Variants in WRAP53 observed in about 807,000 individuals in gnomAD.
WRAP53 encodes WD repeat containing antisense to TP53.
Under a neutral mutation model 56.6 loss-of-function variants are expected in WRAP53, and 28 were observed. The observed-to-expected ratio is 0.50, with a 90% CI of 0.37 to 0.68. The LOEUF (loss-of-function observed/expected upper bound fraction) is 0.68. Ranked by LOEUF, WRAP53 falls within the 30% of genes least tolerant of loss-of-function variation. The pLI, the probability that WRAP53 is intolerant of heterozygous loss-of-function variation, is 0.00. For synonymous variants in WRAP53, 283 were observed against 283.4 expected (o/e 1.00, Z 0.01); for missense variants, 671 against 715.5 (o/e 0.94, Z 0.71).
chr17:7,690,978 G>T (rs147939123), intron 4 of WRAP53, among the ~76,000 whole-genome samples: 1 of 151,696 alleles, frequency 6.6e-6, no homozygotes, highest in African/African-American at 2.4e-5. Flanking sequence ...GGGAGGCTGA[G>T]GTGGGCAGAT....
In WRAP53 at chr17:7,701,432, G is replaced by T. The variant is rs1022422745; in HGVS notation, c.732-27G>T. ...TCCTCCCCTTCCTTTGACAGCACCG[G>T]GGTTTCAGTGTCCATGTCTCTCTCA... On this transcript the variant is annotated intron_variant, in intron 5 of 10. Transcript: ENST00000396463. This position sits in a 1 kb window ranked among gnomAD's most constrained non-coding sequence, Gnocchi z 4.2. 3 of 1,613,116 alleles carry T rather than the reference G, an allele frequency of 1.9e-6. No homozygotes were observed. In the Admixed American group the frequency reaches 5.0e-5, roughly 27 times the overall value.
upstream of WRAP53, chr17:7,687,623 G>C: frequency 2.5e-6 from 1 of 398,944 alleles, no homozygotes; most frequent in Non-Finnish European, 4.4e-6. Flanking sequence ...CCGCCTGCCG[G>C]AGGAAGCAAA....
At position 7,689,603 on chromosome 17, in the gene WRAP53, T is replaced by C. The variant is rs769107489; in HGVS notation, c.544T>C (p.Ser182Pro). ...LKGCKWAPDG[S>P]CILTNSADNI... Reference sequence around the variant, plus strand: ...CCCTGTTTCTAGGGCTCCTGACGGTTCCTGCATCTTGACCAATAGTGCTGA... The same window carrying C: ...CCCTGTTTCTAGGGCTCCTGACGGTCCCTGCATCTTGACCAATAGTGCTGA... The change falls in exon 4 of 11, where the codon TCC becomes CCC. Residue 182 changes from serine to proline, a missense_variant. By Grantham distance (74) the Ser-to-Pro change is moderately conservative (BLOSUM62 -1). Coordinates refer to ENST00000396463, the MANE Select transcript of WRAP53 (RefSeq NM_001143992.2). The C allele has an allele frequency of 6.2e-7, 1 of 1,614,132 alleles. No homozygotes were observed. Among genetic ancestry groups the C allele is most frequent in the East Asian group, 2.2e-5 (1 of 44,878 alleles).
chr17:7,688,974 C>A lies in WRAP53; in HGVS notation c.326C>A (p.Ala109Glu), dbSNP rs1348830744. ...AATACAAGCCTTCCTGCAGAAGAAG[C>A]AAACGGGAGCCTTTCTGAAGAAGAA... ...SENTSLPAEE[A>E]NGSLSEEEAN... The change falls in exon 2 of 11, where the codon GCA becomes GAA. Residue 109 changes from alanine to glutamate, a missense_variant. Coordinates refer to ENST00000396463, the MANE Select transcript of WRAP53 (RefSeq NM_001143992.2). The A allele has an allele frequency of 6.2e-7, 1 of 1,614,056 alleles. No individual in the cohort carries two copies. The highest frequency in any genetic ancestry group is 1.3e-5 in the African/African-American group (1 of 74,934).
At position 7,689,305 on chromosome 17, in the gene WRAP53, C is replaced by T; in HGVS notation, c.513C>T (p.Phe171=). 6.2e-7 allele frequency: 1 copy of T among 1,614,100 alleles called. No homozygotes were observed. Among genetic ancestry groups the T allele is most frequent in the Non-Finnish European group, 8.5e-7 (1 of 1,180,026 alleles). Reference sequence around the variant, plus strand: ...AGTTCAGCACCCAACCTGAGAACTTCTTGAAAGGCTGTAAGTGGTAAGGAT... The same window carrying T: ...AGTTCAGCACCCAACCTGAGAACTTTTTGAAAGGCTGTAAGTGGTAAGGAT... The part of the protein sequence containing the change: ...WSEFSTQPEN[F]LKGCKWAPDG... The change falls in exon 3 of 11, where the codon TTC becomes TTT. Residue 171 remains phenylalanine (F), a synonymous_variant. Transcript: ENST00000396463.
chr17:7,690,117 T>G (rs1001274447), intron 4 of WRAP53, among the ~76,000 whole-genome samples: 2 of 152,140 alleles, frequency 1.3e-5, no homozygotes, highest in African/African-American at 4.8e-5. Context: ...CTCGACTAAT[T>G]TTTATAGTTT....
intron 4 of WRAP53, among the ~76,000 whole-genome samples, chr17:7,698,641 C>G (rs1276553130): frequency 6.6e-6 from 1 of 152,024 alleles, no homozygotes; most frequent in Non-Finnish European, 1.5e-5. Context: ...ACTTGGGAGA[C>G]TGAGGTGGGT....
intron 4 of WRAP53, among the ~76,000 whole-genome samples, chr17:7,693,344 T>G (rs1313688187): frequency 6.6e-6 from 1 of 152,102 alleles, no homozygotes; most frequent in Non-Finnish European, 1.5e-5. Context: ...ATGACTATAG[T>G]TTCTCTGTTT....
At chr17:7,699,476 TTA>T (rs1299417199) in intron 4 of WRAP53, among the ~76,000 whole-genome samples, 276 of 11,368 alleles carry the variant, frequency 0.024, 9 homozygotes, top group Non-Finnish European at 0.028. Context: ...ATATATATAT[TTA>T]TATATATATA....
intron 4 of WRAP53, among the ~76,000 whole-genome samples, chr17:7,691,980 G>T (rs1023674997): frequency 2.0e-5 from 3 of 151,982 alleles, no homozygotes; most frequent in Non-Finnish European, 2.9e-5. Flanking sequence ...GGGATTACAG[G>T]CATGTGCCAC....
At chr17:7,692,856 A>G (rs1313534427) in intron 4 of WRAP53, among the ~76,000 whole-genome samples, 2 of 139,906 alleles carry the variant, frequency 1.4e-5, no homozygotes, top group Non-Finnish European at 3.0e-5. Context: ...GGATCACGCC[A>G]TTCTCCTGCC....
chr17:7,692,446 C>T (rs1044852237), intron 4 of WRAP53, among the ~76,000 whole-genome samples: 11 of 151,108 alleles, frequency 7.3e-5, no homozygotes, highest in Non-Finnish European at 1.0e-4. Context: ...ATGATGAAAC[C>T]CCATCTCTAT....
chr17:7,686,303 CTTTT>C (rs369318275), upstream of WRAP53: 1 of 148,178 alleles, frequency 6.7e-6, no homozygotes, highest in Non-Finnish European at 1.5e-5. Flanking sequence ...CGTACCCATT[CTTTT>C]TTTTTTTCCT....
rs1194317485 is a variant in WRAP53 at position 7,703,131 on chromosome 17, C to G, written c.1403+4C>G. On this transcript the variant is annotated splice_donor_region_variant and intron_variant, in intron 10 of 10. Transcript: ENST00000396463. Reference sequence around the variant, plus strand: ...AGGACTGCACCAATGGCGTGAGGTCCTCAGTTCAATTCCAGAGATGTTGGG... The same window carrying G: ...AGGACTGCACCAATGGCGTGAGGTCGTCAGTTCAATTCCAGAGATGTTGGG... 1 of 1,614,110 alleles carries G rather than the reference C, an allele frequency of 6.2e-7. No homozygotes were observed.
chr17:7,688,790 G>A lies in WRAP53; in HGVS notation c.142G>A (p.Gly48Arg). The change falls in exon 2 of 11, where the codon GGG (glycine) becomes AGG (arginine). Residue 48 changes from glycine (G) to arginine (R), a missense_variant. Transcript: ENST00000396463. ...ACTGATGCCACCGCCTCCCGAAAGG[G>A]GGGATCCGCCCCGGTTGTCCCCAGA... Reference protein sequence around the residue: ...SELMPPPPERGDPPRLSPDPV... With the variant: ...SELMPPPPERRDPPRLSPDPV... 1 of 1,614,176 alleles carries A rather than the reference G, an allele frequency of 6.2e-7. No homozygotes were observed. The highest frequency in any genetic ancestry group is 8.5e-7 in the Non-Finnish European group (1 of 1,180,040).
Position 7,702,795 on chromosome 17 carries a change from C to G in WRAP53, c.1217C>G (p.Ser406Cys), listed in dbSNP as rs781203702. The change falls in exon 9 of 11, where the codon TCC becomes TGC. Residue 406 changes from serine (S) to cysteine (C), a missense_variant. Ser to Cys is a moderately radical substitution (Grantham distance 112, BLOSUM62 -1). Around this residue, in one of 3 missense-constraint regions of WRAP53, gnomAD observed 158 missense variants for 215.7 expected, o/e 0.73. Coordinates refer to ENST00000396463, the MANE Select transcript of WRAP53 (RefSeq NM_001143992.2). The surrounding 1 kb of genome is among the most constrained non-coding windows in gnomAD (Gnocchi z 5.0). ...CGGCAGTCTGGTTACCCACTGTGGT[C>G]CCTGGGTCGAGAGGTGACCACCAAT... Reference protein sequence around the residue: ...DLRQSGYPLWSLGREVTTNQR... With the variant: ...DLRQSGYPLWCLGREVTTNQR... 1 of 1,613,938 alleles carries G rather than the reference C, an allele frequency of 6.2e-7. No individual in the cohort carries two copies. The highest frequency in any genetic ancestry group is 2.2e-5 in the East Asian group (1 of 44,872).
At chr17:7,692,737 GTCATTCT>G (rs989946092) in intron 4 of WRAP53, among the ~76,000 whole-genome samples, 1 of 146,174 alleles carries the variant, frequency 6.8e-6, no homozygotes, top group Non-Finnish European at 1.5e-5. Context: ...GTCCTCTTGG[GTCATTCT>G]CCTTTTTTTT....
chr17:7,694,242 CTTTTTTTT>C (rs749740076), intron 4 of WRAP53, among the ~76,000 whole-genome samples: 2 of 122,618 alleles, frequency 1.6e-5, no homozygotes, highest in African/African-American at 6.8e-5. Flanking sequence ...TTTTTTCTTT[CTTTTTTTT>C]TTTTTTTTTT....
At chr17:7,697,194 G>T (rs1375294936) in intron 4 of WRAP53, among the ~76,000 whole-genome samples, 1 of 151,852 alleles carries the variant, frequency 6.6e-6, no homozygotes, top group South Asian at 2.1e-4. Context: ...GGTGGCAGGC[G>T]CCTGTAATCC....
Sources: gnomAD v4.1 joint callset for allele counts (sites outside exome capture counted in the v4.1 genomes callset) on GRCh38, gnomAD v4.1.1 for gene constraint, gnomAD v4.1.1 regional missense constraint, Gnocchi (gnomAD v3.1) non-coding constraint, MANE v1.5 for transcripts, NCBI Gene and HGNC (gene_info 2026-07-23, HGNC 2026-07-21) for gene names.